The following NPFFR2 variants were observed in gnomAD, a reference collection of about 807,000 sequenced individuals.
The protein encoded by NPFFR2 is neuropeptide FF receptor 2, also known as G-protein coupled receptor 74.
Under a neutral mutation model 13.1 loss-of-function variants are expected in NPFFR2, and 15 were observed. That is an observed-to-expected ratio of 1.15 (90% CI 0.77 to 1.76). The LOEUF (loss-of-function observed/expected upper bound fraction) is 1.76, where lower values mean the gene tolerates loss of function less well. Among genes scored for constraint, NPFFR2 ranks in the 40% most tolerant of loss-of-function variants. The pLI is 0.00. For synonymous variants in NPFFR2, 190 were observed against 175.7 expected (o/e 1.08, Z -0.65); for missense variants, 572 against 503.5 (o/e 1.14, Z -1.30).
chr4:72,136,948 C>T (rs1722436380), intron 2 of NPFFR2, among the ~76,000 whole-genome samples: 1 of 152,180 alleles, frequency 6.6e-6, no homozygotes, highest in Non-Finnish European at 1.5e-5. Flanking sequence ...CCTATCATTT[C>T]AGTGGAATTG....
At chr4:72,102,732 T>C (rs968010476) in intron 1 of NPFFR2, among the ~76,000 whole-genome samples, 4 of 152,070 alleles carry the variant, frequency 2.6e-5, no homozygotes, top group African/African-American at 9.7e-5. Flanking sequence ...TAGTATTCCA[T>C]GGTGTATATG....
rs772836749 is a variant in NPFFR2 at position 72,128,627 on chromosome 4, C to G, written c.36C>G (p.Asn12Lys). 2.5e-6 allele frequency: 4 copies of G among 1,611,514 alleles called. No homozygotes were observed. The South Asian group carries it at 4.4e-5, about 18-fold the overall frequency. ...AATGGGACACAAACTCTTCAGAAAA[C>G]TGGCATCCCATCTGGAATGTCAATG... is the stretch of plus-strand genomic sequence containing the variant. Reference protein sequence around the residue: ...NEKWDTNSSENWHPIWNVNDT... With the variant: ...NEKWDTNSSEKWHPIWNVNDT... The change falls in exon 2 of 4, where the codon AAC (asparagine) becomes AAG (lysine). Residue 12 changes from asparagine (N) to lysine (K), a missense_variant. Coordinates refer to ENST00000308744, the MANE Select transcript of NPFFR2 (RefSeq NM_004885.3).
intron 1 of NPFFR2, among the ~76,000 whole-genome samples, chr4:72,073,037 T>C (rs115669877): frequency 0.011 from 1,662 of 152,168 alleles, 37 homozygotes; most frequent in African/African-American, 0.038. Flanking sequence ...ATAGAGTTTT[T>C]AAAATGATTC....
At chr4:72,098,929 T>C (rs920772387) in intron 1 of NPFFR2, among the ~76,000 whole-genome samples, 1 of 152,202 alleles carries the variant, frequency 6.6e-6, no homozygotes, top group African/African-American at 2.4e-5. Flanking sequence ...CTCAGAAATA[T>C]ATTCTTCCTG....
At position 72,147,253 on chromosome 4, in the gene NPFFR2, T is replaced by G; in HGVS notation, c.704T>G (p.Ile235Ser). 2 of 1,614,128 alleles carry G rather than the reference T, an allele frequency of 1.2e-6. No individual in the cohort carries two copies. Among genetic ancestry groups the G allele is most frequent in the Non-Finnish European group, 1.7e-6 (2 of 1,180,018 alleles). The stretch of plus-strand genomic sequence containing the variant: ...ATCTACCTGGCTCCCCTCTCCCTCA[T>G]TGTCATCATGTATGGAAGGATTGGA... ...ANIYLAPLSL[I>S]VIMYGRIGIS... is the part of the protein sequence containing the mutation. Residue 235 changes from isoleucine (I) to serine (S), a missense_variant, in exon 4 of 4, where the codon ATT becomes AGT. Transcript: ENST00000308744.
chr4:72,110,276 C>T (rs1721529518), intron 1 of NPFFR2, among the ~76,000 whole-genome samples: 1 of 151,972 alleles, frequency 6.6e-6, no homozygotes, highest in East Asian at 1.9e-4. Flanking sequence ...GACATGTTTG[C>T]TTCCCCTTTT....
chr4:72,104,908 C>G (rs532635904), intron 1 of NPFFR2, among the ~76,000 whole-genome samples: 1 of 151,510 alleles, frequency 6.6e-6, no homozygotes, highest in East Asian at 2.0e-4. Flanking sequence ...TATCTTTCCA[C>G]AATCCAAATA....
Position 72,107,812 on chromosome 4 carries a change from TG to T in NPFFR2, c.-7-20772del, listed in dbSNP as rs561162028. 2.3e-4 allele frequency among the ~76,000 whole-genome samples: 35 copies of T among 152,140 alleles called. 1 individual carries two copies. In the South Asian group the frequency reaches 7.3e-3, roughly 32 times the overall value. On this transcript the variant is annotated intron_variant, in intron 1 of 3. Coordinates refer to ENST00000308744, the MANE Select transcript of NPFFR2 (RefSeq NM_004885.3). Reference sequence around the variant, plus strand: ...TAATATTATTTTCCTCTCCTGGACTTGTATGTCAAAAAATACAGTCAAAAGA... The same window carrying T: ...TAATATTATTTTCCTCTCCTGGACTTTATGTCAAAAAATACAGTCAAAAGA...
At chr4:72,043,747 T>C (rs1050825972) in intron 1 of NPFFR2, among the ~76,000 whole-genome samples, 1 of 152,188 alleles carries the variant, frequency 6.6e-6, no homozygotes, top group Non-Finnish European at 1.5e-5. Flanking sequence ...TATAGGCTCA[T>C]AGGTGGAAGG....
At chr4:72,060,907 G>A (rs975260809) in intron 1 of NPFFR2, among the ~76,000 whole-genome samples, 7 of 152,076 alleles carry the variant, frequency 4.6e-5, no homozygotes, top group African/African-American at 1.7e-4. Context: ...GCATGTTAGA[G>A]ATTACAAATA....
At chr4:72,113,025 T>A (rs1428731677) in intron 1 of NPFFR2, among the ~76,000 whole-genome samples, 2 of 152,134 alleles carry the variant, frequency 1.3e-5, no homozygotes, top group African/African-American at 4.8e-5. Flanking sequence ...ACCTGGCTTC[T>A]ACTGGTATTT....
chr4:72,075,782 G>A (rs937598925), intron 1 of NPFFR2, among the ~76,000 whole-genome samples: 1 of 152,042 alleles, frequency 6.6e-6, no homozygotes, highest in Non-Finnish European at 1.5e-5. Context: ...AAGGAATGGG[G>A]AGTAATTGTT....
chr4:72,098,340 G>T (rs192721227), intron 1 of NPFFR2, among the ~76,000 whole-genome samples: 1 of 152,320 alleles, frequency 6.6e-6, no homozygotes, highest in East Asian at 1.9e-4. Context: ...TATTAGTTGA[G>T]ATAGGCCAAG....
intron 1 of NPFFR2, among the ~76,000 whole-genome samples, chr4:72,039,740 T>C (rs1719154690): frequency 6.6e-6 from 1 of 152,218 alleles, no homozygotes; most frequent in Admixed American, 6.5e-5. Flanking sequence ...TAAAAGTAGT[T>C]ATTTAAAAAC....
intron 1 of NPFFR2, among the ~76,000 whole-genome samples, chr4:72,101,777 T>C (rs111962252): frequency 0.013 from 2,025 of 152,088 alleles, 57 homozygotes; most frequent in African/African-American, 0.046. Flanking sequence ...AATAATCAGC[T>C]GGAACAGAGT....
intron 1 of NPFFR2, among the ~76,000 whole-genome samples, chr4:72,073,061 C>A (rs1720309043): frequency 6.6e-6 from 1 of 152,032 alleles, no homozygotes; most frequent in Non-Finnish European, 1.5e-5. Flanking sequence ...TATATGCCAT[C>A]TACAAGAGAC....
chr4:72,094,892 C>G (rs896649922), intron 1 of NPFFR2, among the ~76,000 whole-genome samples: 5 of 152,204 alleles, frequency 3.3e-5, no homozygotes, highest in African/African-American at 1.2e-4. Context: ...CAATTTGGGT[C>G]TCCACACACT....
chr4:72,068,508 T>G (rs1046761450), intron 1 of NPFFR2, among the ~76,000 whole-genome samples: 1 of 152,204 alleles, frequency 6.6e-6, no homozygotes, highest in Non-Finnish European at 1.5e-5. Context: ...AACACCTGAA[T>G]TTTGGAGGAG....
chr4:72,086,598 T>C (rs1028909715), intron 1 of NPFFR2, among the ~76,000 whole-genome samples: 5 of 152,168 alleles, frequency 3.3e-5, no homozygotes, highest in African/African-American at 9.6e-5. Flanking sequence ...AATAACTATA[T>C]GTCTATTCAC....
Sources: allele counts gnomAD v4.1 joint callset (sites outside exome capture counted in the v4.1 genomes callset), GRCh38; gene constraint gnomAD v4.1.1; transcripts MANE v1.5; gene names NCBI Gene and HGNC (gene_info 2026-07-23, HGNC 2026-07-21).